IWS1: variants seen among roughly 807,000 people sequenced by gnomAD.
IWS1 encodes the protein protein IWS1 homolog.
In IWS1, 27 loss-of-function variants were observed where a neutral mutation model predicts 86.7. That is an observed-to-expected ratio of 0.31 (90% confidence interval 0.23 to 0.43). IWS1 has a LOEUF of 0.43. Among genes scored for constraint, IWS1 ranks in the 20% least tolerant of loss-of-function variants. IWS1 has a pLI of 1.00. For missense variants in IWS1, 827 were observed against 1,000.8 expected, an observed-to-expected ratio of 0.83 and a Z score of 2.34; for synonymous variants, 313 against 335.1, an observed-to-expected ratio of 0.93 and a Z score of 0.72.
rs931229057 is a variant in IWS1 at position 127,499,378 on chromosome 2, C to A, written c.1468-1141G>T. On this transcript the variant is annotated intron_variant, in intron 5 of 13. Coordinates refer to ENST00000295321, the MANE Select transcript of IWS1 (RefSeq NM_017969.3). The surrounding 1 kb of genome is among the most constrained non-coding windows in gnomAD (Gnocchi z 4.0). ...GTGCTGGGATTACAGGCGTGAGCCA[C>A]CGCGCCCGGCCAATTTTTCATTTTT... Among the ~76,000 whole-genome samples, 2 of 152,188 alleles carry A rather than the reference C, an allele frequency of 1.3e-5. No individual in the cohort carries two copies. The highest frequency in any genetic ancestry group is 2.4e-5 in the African/African-American group (1 of 41,450).
chr2:127,517,880 A>G (rs911297315), intron 2 of IWS1, among the ~76,000 whole-genome samples: 12 of 152,256 alleles, frequency 7.9e-5, no homozygotes, highest in African/African-American at 2.9e-4. Flanking sequence ...AATATTATTT[A>G]CCACAAAAAG....
In IWS1 at chr2:127,505,079, T is replaced by G; in HGVS notation, c.824A>C (p.Asp275Ala). The change falls in exon 3 of 14, where the codon GAT (aspartate) becomes GCT (alanine). Residue 275 changes from aspartate (D) to alanine (A), a missense_variant. Asp to Ala is a moderately radical substitution (Grantham distance 126). This residue lies in a region of IWS1 where 548 missense variants were observed against 560.2 expected (regional missense o/e 0.98). Coordinates refer to ENST00000295321, the MANE Select transcript of IWS1 (RefSeq NM_017969.3). This position sits in a 1 kb window ranked among gnomAD's most constrained non-coding sequence, Gnocchi z 5.0. Reference sequence around the variant, plus strand: ...CCTTGGGGGATCCTCACTTTCCGAATCACTGATTCGGGGTTTGGGAAGCTC... The same window carrying G: ...CCTTGGGGGATCCTCACTTTCCGAAGCACTGATTCGGGGTTTGGGAAGCTC... ...NEELPKPRIS[D>A]SESEDPPRNQ... 1 of 1,612,238 alleles carries G rather than the reference T, an allele frequency of 6.2e-7. No individual in the cohort carries two copies. Among genetic ancestry groups the G allele is most frequent in the Non-Finnish European group, 8.5e-7 (1 of 1,179,504 alleles).
intron 2 of IWS1, chr2:127,506,730 G>A (rs1254131798): frequency 1.2e-5 from 2 of 168,758 alleles, no homozygotes; most frequent in African/African-American, 4.8e-5. Context: ...CTAGAAACAA[G>A]AAAGCTTAAG....
intron 12 of IWS1, among the ~76,000 whole-genome samples, chr2:127,487,137 T>C (rs1689971280): frequency 6.6e-6 from 1 of 152,224 alleles, no homozygotes; most frequent in Admixed American, 6.5e-5. Context: ...CAATTTTTAA[T>C]GTTTATTTTT....
chr2:127,519,289 A>G (rs189995397), intron 2 of IWS1, among the ~76,000 whole-genome samples: 4 of 152,312 alleles, frequency 2.6e-5, no homozygotes, highest in Non-Finnish European at 4.4e-5. Context: ...AGGTAGTCTG[A>G]TATGAGACTT....
intron 2 of IWS1, among the ~76,000 whole-genome samples, chr2:127,515,423 G>T (rs1358095193): frequency 6.6e-6 from 1 of 152,130 alleles, no homozygotes; most frequent in Non-Finnish European, 1.5e-5. Flanking sequence ...GGCAGGACCC[G>T]GAGGTCCTCA....
rs1308559669 is a variant in IWS1, at chr2:127,489,023, G to A, written c.2216+156C>T. 1.3e-5 allele frequency among the ~76,000 whole-genome samples: 2 copies of A among 152,064 alleles called. No individual in the cohort carries two copies. Among genetic ancestry groups the A allele is most frequent in the African/African-American group, 4.8e-5 (2 of 41,408 alleles). ...TCTCAATTTTCCTTACATCCCCAGA[G>A]TACCCAATACAATGCTTTGTAGATA... On this transcript the variant is annotated intron_variant, in intron 12 of 13. Coordinates refer to ENST00000295321, the MANE Select transcript of IWS1 (RefSeq NM_017969.3). The surrounding 1 kb of genome is among the most constrained non-coding windows in gnomAD (Gnocchi z 4.8).
At chr2:127,501,026 A>G (rs1166228510) in intron 5 of IWS1, among the ~76,000 whole-genome samples, 2 of 152,180 alleles carry the variant, frequency 1.3e-5, no homozygotes, top group Non-Finnish European at 2.9e-5. Context: ...TTAATTTTAT[A>G]TATATTCCAC....
intron 13 of IWS1, among the ~76,000 whole-genome samples, chr2:127,483,803 A>C (rs2105018110): frequency 6.6e-6 from 1 of 151,970 alleles, no homozygotes; most frequent in South Asian, 2.1e-4. Context: ...CTAATTTTTT[A>C]ATTTTTTGGT....
intron 1 of IWS1, among the ~76,000 whole-genome samples, chr2:127,525,126 C>CGTAGGGGGGGGGGGTAG (rs1692329093): frequency 1.5e-5 from 1 of 66,476 alleles, no homozygotes; most frequent in African/African-American, 7.3e-5. Context: ...GGGTGGGGTA[C>CGTAGGGGGGGGGGGTAG]GGGCATGGGG....
At chr2:127,492,228 GA>G in intron 9 of IWS1, 140 bp from the exon 10 acceptor site, 3 of 617,608 alleles carry the variant, frequency 4.9e-6, no homozygotes, top group Non-Finnish European at 8.7e-6. Flanking sequence ...AGAACACAAA[GA>G]TACTTTGTGT....
At chr2:127,495,906 A>T in intron 7 of IWS1, 92 bp downstream of exon 7, 1 of 1,105,472 alleles carries the variant, frequency 9.0e-7, no homozygotes, top group Non-Finnish European at 1.3e-6. Flanking sequence ...AAAGCATCTT[A>T]ATTGTAGTTT....
chr2:127,481,747 T>C (rs1240087157), intron 13 of IWS1, among the ~76,000 whole-genome samples: 2 of 152,156 alleles, frequency 1.3e-5, no homozygotes, highest in East Asian at 3.8e-4. Flanking sequence ...GGGCAAAGCA[T>C]ACCCAGGGTA....
chr2:127,487,671 C>T (rs1367995760), intron 12 of IWS1, among the ~76,000 whole-genome samples: 1 of 152,150 alleles, frequency 6.6e-6, no homozygotes, highest in East Asian at 1.9e-4. Flanking sequence ...CTGCCCCAGC[C>T]TACAAAGTAG....
chr2:127,514,215 G>C (rs1691634963), intron 2 of IWS1: 1 of 154,348 alleles, frequency 6.5e-6, no homozygotes, highest in Non-Finnish European at 1.5e-5. Flanking sequence ...CCCACTTCAA[G>C]TCCCCTTGCT....
At chr2:127,493,923 T>C (rs1166254616) in intron 8 of IWS1, among the ~76,000 whole-genome samples, 2 of 151,916 alleles carry the variant, frequency 1.3e-5, no homozygotes, top group African/African-American at 4.8e-5. Flanking sequence ...AAAGATAACA[T>C]TATATACATA....
upstream of IWS1, chr2:127,526,740 A>G (rs1476755457): frequency 1.6e-6 from 2 of 1,220,144 alleles, no homozygotes; most frequent in Non-Finnish European, 2.2e-6. Flanking sequence ...AGAGCTTTTG[A>G]GATACTCTTC....
At chr2:127,510,731 T>C (rs1691403778) in intron 2 of IWS1, among the ~76,000 whole-genome samples, 1 of 152,026 alleles carries the variant, frequency 6.6e-6, no homozygotes, top group South Asian at 2.1e-4. Context: ...AAGTGATCCT[T>C]CCGCCTTGGC....
chr2:127,503,666 GC>G, intron 3 of IWS1, 90 bp from the exon 4 acceptor site: 2 of 458,142 alleles, frequency 4.4e-6, no homozygotes, highest in Non-Finnish European at 6.4e-6. Flanking sequence ...GCAGTATACA[GC>G]AAAAATAAAT....
Sources: allele counts gnomAD v4.1 joint callset (sites outside exome capture counted in the v4.1 genomes callset), GRCh38; gene constraint gnomAD v4.1.1; regional missense constraint gnomAD v4.1.1; non-coding constraint Gnocchi (gnomAD v3.1); transcripts MANE v1.5; gene names NCBI Gene and HGNC (gene_info 2026-07-23, HGNC 2026-07-21).